Variants in FGF12 observed in about 807,000 individuals in gnomAD.
FGF12 encodes fibroblast growth factor 12B.
Under a neutral mutation model 23.6 loss-of-function variants are expected in FGF12, and 14 were observed. The ratio of observed to expected loss-of-function variants is 0.59; its 90% CI spans 0.39 to 0.93. FGF12 has a LOEUF of 0.93. Among genes scored for constraint, FGF12 ranks in the 40% least tolerant of loss-of-function variants. The pLI, the probability that FGF12 is intolerant of heterozygous loss-of-function variation, is 0.00. For missense variants in FGF12, 175 were observed against 217.8 expected, an observed-to-expected ratio of 0.80 and a Z score of 1.24; for synonymous variants, 62 against 77.3, an observed-to-expected ratio of 0.80 and a Z score of 1.04.
intron 2 of FGF12, among the ~76,000 whole-genome samples, chr3:192,419,045 A>G (rs1228813053): frequency 6.6e-6 from 1 of 152,194 alleles, no homozygotes; most frequent in Middle Eastern, 3.2e-3. Context: ...CACATGTTAC[A>G]GTGGGAAAGC....
At chr3:192,563,458 C>T (rs2047856) in intron 2 of FGF12, among the ~76,000 whole-genome samples, 3,219 of 152,132 alleles carry the variant, frequency 0.021, 89 homozygotes, top group African/African-American at 0.069. Flanking sequence ...CCAGCTGCTG[C>T]CAATGATTTA....
chr3:192,443,645 A>G (rs977264409), intron 2 of FGF12, among the ~76,000 whole-genome samples: 2 of 152,220 alleles, frequency 1.3e-5, no homozygotes, highest in African/African-American at 4.8e-5. Flanking sequence ...CTGAGTTCAA[A>G]ATGTCTCTCA....
At chr3:192,648,651 T>C (rs1401150010) in intron 2 of FGF12, among the ~76,000 whole-genome samples, 2 of 152,168 alleles carry the variant, frequency 1.3e-5, no homozygotes, top group Non-Finnish European at 2.9e-5. Flanking sequence ...ATTGCTTCAA[T>C]AGAGATTATT....
intron 2 of FGF12, among the ~76,000 whole-genome samples, chr3:192,441,212 T>C (rs1403881270): frequency 6.6e-6 from 1 of 152,228 alleles, no homozygotes; most frequent in African/African-American, 2.4e-5. Flanking sequence ...AATGAGATAG[T>C]ATACTTTAAA....
intron 4 of FGF12, among the ~76,000 whole-genome samples, chr3:192,231,782 T>C (rs1257126838): frequency 6.6e-6 from 1 of 151,258 alleles, no homozygotes; most frequent in Non-Finnish European, 1.5e-5. Context: ...AAAAAAAAAG[T>C]AATTGCAGTT....
intron 2 of FGF12, among the ~76,000 whole-genome samples, chr3:192,588,906 C>T (rs1234491320): frequency 2.6e-5 from 4 of 151,846 alleles, no homozygotes; most frequent in Non-Finnish European, 5.9e-5. Flanking sequence ...ACCTTATTAC[C>T]TGTTGTATGT....
At chr3:192,158,344 T>TTCTTTC (rs1560171262) in intron 5 of FGF12, among the ~76,000 whole-genome samples, 1 of 93,658 alleles carries the variant, frequency 1.1e-5, no homozygotes, top group South Asian at 3.4e-4. Flanking sequence ...CTTTCTTTCT[T>TTCTTTC]TCTTTCTTTC....
Position 192,207,871 on chromosome 3 carries a change from G to A in FGF12, c.229-37215C>T, listed in dbSNP as rs554119201. Among the ~76,000 whole-genome samples, 86 of 152,280 alleles carry A rather than the reference G, an allele frequency of 5.6e-4. 1 individual carries two copies. The South Asian group carries it at 0.017, about 30-fold the overall frequency. Reference sequence around the variant, plus strand: ...GGCTCCCTGCCACCATTTCAGACACGCTGAAGTGGAGGTGCCTGCAGGACA... The same window carrying A: ...GGCTCCCTGCCACCATTTCAGACACACTGAAGTGGAGGTGCCTGCAGGACA... On this transcript the variant is annotated intron_variant, in intron 4 of 5. Transcript: ENST00000445105.
At chr3:192,605,076 A>G (rs561683153) in intron 2 of FGF12, among the ~76,000 whole-genome samples, 2 of 152,076 alleles carry the variant, frequency 1.3e-5, no homozygotes, top group Non-Finnish European at 2.9e-5. Flanking sequence ...AATACCTCAC[A>G]CTATAAGAAT....
chr3:192,177,624 A>T (rs1415133386), intron 4 of FGF12, among the ~76,000 whole-genome samples: 1 of 152,184 alleles, frequency 6.6e-6, no homozygotes, highest in Admixed American at 6.5e-5. Context: ...GAGATAACCC[A>T]TGGGTGAATG....
chr3:192,434,924 T>C (rs1398742137), intron 2 of FGF12, among the ~76,000 whole-genome samples: 1 of 152,082 alleles, frequency 6.6e-6, no homozygotes. Flanking sequence ...GCTTTTCAGG[T>C]CTATGCGCAT....
At chr3:192,428,250 A>G (rs756649504) in intron 2 of FGF12, among the ~76,000 whole-genome samples, 1 of 152,200 alleles carries the variant, frequency 6.6e-6, no homozygotes, top group East Asian at 1.9e-4. Context: ...CTACTCGACC[A>G]TGATTTCCTA....
Position 192,384,128 on chromosome 3 carries a change from T to C in FGF12, c.14-23590A>G, listed in dbSNP as rs577400748. Among the ~76,000 whole-genome samples, 17 of 152,236 alleles carry C rather than the reference T, an allele frequency of 1.1e-4. No individual in the cohort carries two copies. The South Asian group carries it at 2.9e-3, about 26-fold the overall frequency. On this transcript the variant is annotated intron_variant, in intron 2 of 5. Transcript: ENST00000445105. ...GAGGGCTGAAAAGTATCCATTAGAT[T>C]TGGTAAATTAGACATCATTAGTAAT...
At chr3:192,639,245 A>C (rs1379518291) in intron 2 of FGF12, among the ~76,000 whole-genome samples, 1 of 152,192 alleles carries the variant, frequency 6.6e-6, no homozygotes, top group Non-Finnish European at 1.5e-5. Context: ...TCAAAACCAC[A>C]ATGAGATATC....
chr3:192,630,127 G>T (rs558733744), intron 2 of FGF12, among the ~76,000 whole-genome samples: 126 of 152,082 alleles, frequency 8.3e-4, no homozygotes, highest in African/African-American at 2.9e-3. Flanking sequence ...AAAAGTGTGG[G>T]GTACCTCCCT....
At chr3:192,397,603 T>C (rs920327985) in intron 2 of FGF12, among the ~76,000 whole-genome samples, 6 of 152,242 alleles carry the variant, frequency 3.9e-5, no homozygotes, top group African/African-American at 1.4e-4. Flanking sequence ...TGAGATCCTC[T>C]ATATGTTCCA....
chr3:192,535,041 A>C (rs1287481505), intron 2 of FGF12, among the ~76,000 whole-genome samples: 1 of 152,166 alleles, frequency 6.6e-6, no homozygotes, highest in Non-Finnish European at 1.5e-5. Flanking sequence ...TTTGTAATAA[A>C]ATCATTATTA....
At chr3:192,586,571 G>T (rs749183141) in intron 2 of FGF12, among the ~76,000 whole-genome samples, 1 of 152,126 alleles carries the variant, frequency 6.6e-6, no homozygotes, top group Non-Finnish European at 1.5e-5. Context: ...ATTGGTATTA[G>T]TGTCTCCAGA....
At chr3:192,269,063 T>C (rs2108625923) in intron 4 of FGF12, among the ~76,000 whole-genome samples, 1 of 152,150 alleles carries the variant, frequency 6.6e-6, no homozygotes, top group South Asian at 2.1e-4. Flanking sequence ...TACAGGCGTG[T>C]GCCACCACGC....
Sources: allele counts gnomAD v4.1 joint callset (sites outside exome capture counted in the v4.1 genomes callset), GRCh38; gene constraint gnomAD v4.1.1; transcripts MANE v1.5; gene names NCBI Gene and HGNC (gene_info 2026-07-23, HGNC 2026-07-21).